MDH2: variants seen among roughly 807,000 people sequenced by gnomAD.
MDH2 encodes the protein malate dehydrogenase 2.
In MDH2, 25 loss-of-function variants were observed where a neutral mutation model predicts 33.6. That is an observed-to-expected ratio of 0.74 (90% CI 0.54 to 1.04). The LOEUF is 1.04. MDH2 is among the 50% of genes least tolerant of loss of function. MDH2 has a pLI of 0.00. For missense variants in MDH2, 432 were observed against 445.0 expected (o/e 0.97, Z 0.26); for synonymous variants, 193 against 188.7 (o/e 1.02, Z -0.19).
chr7:76,056,446 C>T lies in MDH2; in HGVS notation c.236-964C>T, dbSNP rs949930477. 8.5e-5 allele frequency among the ~76,000 whole-genome samples: 13 copies of T among 152,174 alleles called. 1 individual carries two copies. In the East Asian group the frequency reaches 1.3e-3, roughly 16 times the overall value. On this transcript the variant is annotated intron_variant, in intron 2 of 8. Transcript: ENST00000315758. Reference sequence around the variant, plus strand: ...ATGAGTCTTAAGTTGGTGTGAACAGCTGGGGAGGCTGCCTGGCAAATTTTA... The same window carrying T: ...ATGAGTCTTAAGTTGGTGTGAACAGTTGGGGAGGCTGCCTGGCAAATTTTA...
At chr7:76,065,128 G>A in intron 8 of MDH2, 175 bp downstream of exon 8, 1 of 697,624 alleles carries the variant, frequency 1.4e-6, no homozygotes, top group East Asian at 2.9e-5. Context: ...GAGGATCACA[G>A]ACTGTGAAGG....
chr7:76,054,639 C>A, intron 1 of MDH2, 191 bp from the exon 2 acceptor site: 1 of 672,288 alleles, frequency 1.5e-6, no homozygotes, highest in Non-Finnish European at 2.5e-6. Flanking sequence ...ATAAATTCTC[C>A]CCATTTGAAA....
chr7:76,062,939 G>T (rs371765496), intron 5 of MDH2, among the ~76,000 whole-genome samples: 151 of 152,274 alleles, frequency 9.9e-4, no homozygotes, highest in African/African-American at 3.3e-3. Flanking sequence ...ATTCTTGGGG[G>T]TGTGGTACCT....
chr7:76,053,147 T>C (rs781883239), intron 1 of MDH2, among the ~76,000 whole-genome samples: 1 of 152,210 alleles, frequency 6.6e-6, no homozygotes, highest in Non-Finnish European at 1.5e-5. Flanking sequence ...AAGTTCTTCA[T>C]GTCCTGACTT....
chr7:76,058,840 C>G (rs939041347), intron 4 of MDH2, among the ~76,000 whole-genome samples: 2 of 152,172 alleles, frequency 1.3e-5, no homozygotes, highest in African/African-American at 4.8e-5. Flanking sequence ...AAAATGGCTC[C>G]TAAGTGACTC....
At chr7:76,064,112 A>G (rs560941776) in intron 6 of MDH2, among the ~76,000 whole-genome samples, 30 of 151,102 alleles carry the variant, frequency 2.0e-4, no homozygotes, top group Admixed American at 1.4e-3. Flanking sequence ...TCTTTTTATT[A>G]TTATTTTTTT....
chr7:76,057,674 C>T (rs1047098631), intron 3 of MDH2, among the ~76,000 whole-genome samples, 181 bp downstream of exon 3: 3 of 152,136 alleles, frequency 2.0e-5, no homozygotes, highest in African/African-American at 4.8e-5. Flanking sequence ...GTCGTCTTGC[C>T]GTTCCCCTGT....
At chr7:76,055,737 CAAAA>C (rs572199771) in intron 2 of MDH2, among the ~76,000 whole-genome samples, 4 of 98,094 alleles carry the variant, frequency 4.1e-5, no homozygotes, top group Admixed American at 1.1e-4. Context: ...ACACTGTTTC[CAAAA>C]AAAAAAAAAA....
In MDH2 at chr7:76,066,345, G is replaced by A; in HGVS notation, c.952G>A (p.Asp318Asn). ...CTCTTTTGAGGAGAAGATGATCTCG[G>A]ATGCCATCCCCGAGCTGAAGGCCTC... ...VSSFEEKMIS[D>N]AIPELKASIK... The change falls in exon 9 of 9, where the codon GAT becomes AAT. Residue 318 changes from aspartate to asparagine, a missense_variant. Coordinates refer to ENST00000315758, the MANE Select transcript of MDH2 (RefSeq NM_005918.4). 2 of 1,604,078 alleles carry A rather than the reference G, an allele frequency of 1.2e-6. No homozygotes were observed. The highest frequency in any genetic ancestry group is 1.7e-6 in the Non-Finnish European group (2 of 1,176,378).
chr7:76,056,079 C>T (rs782065439), intron 2 of MDH2, among the ~76,000 whole-genome samples: 4 of 152,118 alleles, frequency 2.6e-5, no homozygotes, highest in Non-Finnish European at 4.4e-5. Context: ...CCACCTACCT[C>T]GGCCTCCCAA....
chr7:76,051,314 T>G (rs1487289681), intron 1 of MDH2, among the ~76,000 whole-genome samples: 1 of 149,782 alleles, frequency 6.7e-6, no homozygotes, highest in Admixed American at 6.7e-5. Context: ...TCTCCAGACT[T>G]TGGATTTTTT....
chr7:76,053,342 GACTC>G (rs1797677086), intron 1 of MDH2, among the ~76,000 whole-genome samples: 1 of 152,140 alleles, frequency 6.6e-6, no homozygotes, highest in Non-Finnish European at 1.5e-5. Flanking sequence ...GAGTCCCTGA[GACTC>G]ACACAAGATG....
In MDH2 at chr7:76,064,288, C is replaced by T. The variant is rs372524071; in HGVS notation, c.634-51C>T. 3.0e-4 allele frequency: 437 copies of T among 1,447,626 alleles called. 1 individual carries two copies. Among genetic ancestry groups the T allele is most frequent in the Non-Finnish European group, 3.9e-4 (415 of 1,051,574 alleles). The allele number at this position is 1,447,626 out of a possible 1,614,324, so 89.7% of individuals were successfully genotyped here. ...ATAGTGGGGGTGGGAGGCAGTGGGT[C>T]TGGGGTCATGGGCCGGAAGCCACTC... On this transcript the variant is annotated intron_variant, in intron 6 of 8. Coordinates refer to ENST00000315758, the MANE Select transcript of MDH2 (RefSeq NM_005918.4).
chr7:76,060,984 G>T (rs1483873134), intron 5 of MDH2, among the ~76,000 whole-genome samples: 1 of 152,088 alleles, frequency 6.6e-6, no homozygotes, highest in East Asian at 1.9e-4. Flanking sequence ...ACTTTTTTGG[G>T]TTGCCCGTGG....
At chr7:76,063,617 G>C in intron 6 of MDH2, 25 bp downstream of exon 6, 1 of 1,606,434 alleles carries the variant, frequency 6.2e-7, no homozygotes, top group Non-Finnish European at 8.5e-7. Context: ...CCCTGTGAGG[G>C]GCTTCGAGGT....
intron 5 of MDH2, among the ~76,000 whole-genome samples, chr7:76,062,060 C>T (rs1797969546): frequency 6.6e-6 from 1 of 152,166 alleles, no homozygotes; most frequent in Non-Finnish European, 1.5e-5. Context: ...TTGGGAGATC[C>T]CGTCCCCCAC....
chr7:76,054,892 C>T lies in MDH2; in HGVS notation c.129C>T (p.Leu43=). Residue 43 remains leucine (L), a synonymous_variant, in exon 2 of 9, where the codon CTC becomes CTT. Transcript: ENST00000315758. ...SGGIGQPLSL[L]LKNSPLVSRL... Reference sequence around the variant, plus strand: ...GCATCGGGCAGCCACTTTCACTTCTCCTGAAGAACAGCCCCTTGGTGAGCC... The same window carrying T: ...GCATCGGGCAGCCACTTTCACTTCTTCTGAAGAACAGCCCCTTGGTGAGCC... 1 of 1,614,164 alleles carries T rather than the reference C, an allele frequency of 6.2e-7. No individual in the cohort carries two copies. The highest frequency in any genetic ancestry group is 1.1e-5 in the South Asian group (1 of 91,076).
In MDH2 at chr7:76,063,559, T is replaced by C. The variant is rs1585412075; in HGVS notation, c.600T>C (p.His200=). Residue 200 remains histidine (H), a synonymous_variant, in exon 6 of 9, where the codon CAT becomes CAC. Transcript: ENST00000315758. ...ARVNVPVIGG[H]AGKTIIPLIS... is the part of the protein sequence containing the mutation. ...TCAACGTCCCTGTCATTGGTGGCCATGCTGGGAAGACCATCATCCCCCTGA... is the reference window on the plus strand; with the variant it reads ...TCAACGTCCCTGTCATTGGTGGCCACGCTGGGAAGACCATCATCCCCCTGA... The C allele has an allele frequency of 6.2e-7, 1 of 1,614,260 alleles. No homozygotes were observed. Among genetic ancestry groups the C allele is most frequent in the Non-Finnish European group, 8.5e-7 (1 of 1,180,038 alleles).
In MDH2 at chr7:76,053,742, G is replaced by GCTGCCTGC. The variant is rs371274773; in HGVS notation, c.67-1074_67-1067dup. On this transcript the variant is annotated intron_variant, in intron 1 of 8. Transcript: ENST00000315758. ...TTGTTTGCCTCTTCCCTCACTGGTAGCTGCCTGCCTGCCTGCCTGCCAGGG... is the reference window on the plus strand; with the variant it reads ...TTGTTTGCCTCTTCCCTCACTGGTAGCTGCCTGCCTGCCTGCCTGCCTGCCTGCCAGGG... Among the ~76,000 whole-genome samples the GCTGCCTGC allele has an allele frequency of 6.5e-3, 985 of 152,188 alleles. 11 individuals are homozygous for GCTGCCTGC. Among genetic ancestry groups the GCTGCCTGC allele is most frequent in the African/African-American group, 0.022 (922 of 41,496 alleles).
Sources: allele counts gnomAD v4.1 joint callset (sites outside exome capture counted in the v4.1 genomes callset), GRCh38; gene constraint gnomAD v4.1.1; transcripts MANE v1.5; gene names NCBI Gene and HGNC (gene_info 2026-07-23, HGNC 2026-07-21).